The following PPP1R21 variants were observed in gnomAD, a reference collection of about 807,000 sequenced individuals.
PPP1R21 encodes the protein protein phosphatase 1 regulatory subunit 21, also known as KLRAQ motif containing 1.
PPP1R21 carries 85 observed loss-of-function variants against 112.8 expected under a neutral mutation model. The ratio of observed to expected loss-of-function variants is 0.75; its 90% CI spans 0.63 to 0.90. The LOEUF is 0.90. Among genes scored for constraint, PPP1R21 ranks in the 40% least tolerant of loss-of-function variants. PPP1R21 has a pLI of 0.00. For synonymous variants in PPP1R21, 381 were observed against 322.3 expected, an observed-to-expected ratio of 1.18 and a Z score of -1.95; for missense variants, 1,199 against 901.5, an observed-to-expected ratio of 1.33 and a Z score of -4.23.
At chr2:48,514,595 C>T (rs1450958461) in intron 21 of PPP1R21, 120 bp from the exon 22 acceptor site, 1 of 742,948 alleles carries the variant, frequency 1.3e-6, no homozygotes, top group African/African-American at 1.8e-5. Flanking sequence ...CAGCTATTCT[C>T]CTTTTTGGAA....
Position 48,515,240 on chromosome 2 carries a change from C to CTCTCTCTCTCTCTCTCTTCTT in PPP1R21, c.*503_*504insCTCTCTCTCTTCTTTCTCTCT, listed in dbSNP as rs1670824789. ...TTTCTCTCTCTCTCTCTCTCTCTCT[C>CTCTCTCTCTCTCTCTCTTCTT]TCTCTCTTCTTTCTCTCTGAGGGAG... On this transcript the variant is annotated 3_prime_UTR_variant, in exon 22 of 22. Transcript: ENST00000294952. 6.5e-6 allele frequency: 1 copy of CTCTCTCTCTCTCTCTCTTCTT among 153,500 alleles called. No homozygotes were observed. Among genetic ancestry groups the CTCTCTCTCTCTCTCTCTTCTT allele is most frequent in the Non-Finnish European group, 1.4e-5 (1 of 69,162 alleles). The allele number at this position is 153,500 out of a possible 1,614,324, so 9.5% of individuals were successfully genotyped here.
chr2:48,466,055 G>A (rs774785470), intron 9 of PPP1R21, among the ~76,000 whole-genome samples: 9 of 152,116 alleles, frequency 5.9e-5, no homozygotes, highest in African/African-American at 1.7e-4. Flanking sequence ...ATCAGATCTC[G>A]TGAGACCCAT....
intron 3 of PPP1R21, 133 bp from the exon 4 acceptor site, chr2:48,457,993 C>G (rs1172622116): frequency 4.4e-6 from 3 of 674,206 alleles, no homozygotes; most frequent in Admixed American, 2.0e-5. Flanking sequence ...AACTGTATAG[C>G]TTTTGCAGGA....
chr2:48,455,613 A>G (rs1558429350), intron 3 of PPP1R21, among the ~76,000 whole-genome samples: 2 of 152,228 alleles, frequency 1.3e-5, no homozygotes, highest in South Asian at 2.1e-4. Context: ...AGACAGTGGA[A>G]TATCTTATAT....
intron 12 of PPP1R21, 112 bp downstream of exon 12, chr2:48,474,931 A>T: frequency 2.2e-6 from 2 of 920,092 alleles, no homozygotes; most frequent in Non-Finnish European, 3.3e-6. Context: ...ATCTGGCATC[A>T]GGAAAACTTG....
rs375249666 is a variant in PPP1R21 at position 48,493,308 on chromosome 2, C to T, written c.1599+2138C>T. 6.1e-4 allele frequency among the ~76,000 whole-genome samples: 93 copies of T among 152,134 alleles called. No homozygotes were observed. In the South Asian group the frequency reaches 6.9e-3, roughly 11 times the overall value. ...GCGTGAGCCACTGCGCCCGGCCTTA[C>T]CTATTTTTAAATAAATGTTTCTAAT... On this transcript the variant is annotated intron_variant, in intron 15 of 21. Coordinates refer to ENST00000294952, the MANE Select transcript of PPP1R21 (RefSeq NM_001135629.3).
At chr2:48,486,000 A>G (rs1461787199) in intron 13 of PPP1R21, among the ~76,000 whole-genome samples, 1 of 148,360 alleles carries the variant, frequency 6.7e-6, no homozygotes, top group Non-Finnish European at 1.5e-5. Context: ...AATTATATAT[A>G]ATATAATTAA....
intron 9 of PPP1R21, 25 bp downstream of exon 9, chr2:48,465,667 T>G: frequency 6.2e-7 from 1 of 1,604,974 alleles, no homozygotes; most frequent in Non-Finnish European, 8.5e-7. Context: ...GGATACATTT[T>G]GTTTGCCCTG....
intron 17 of PPP1R21, 77 bp downstream of exon 17, chr2:48,498,812 A>T: frequency 7.0e-7 from 1 of 1,432,616 alleles, no homozygotes; most frequent in South Asian, 1.2e-5. Context: ...AACATTAACC[A>T]TTGTCTTAGT....
At position 48,507,332 on chromosome 2, in the gene PPP1R21, C is replaced by T. The variant is rs772827384; in HGVS notation, c.2032C>T (p.Leu678Phe). 8 of 1,595,650 alleles carry T rather than the reference C, an allele frequency of 5.0e-6. No individual in the cohort carries two copies. The highest frequency in any genetic ancestry group is 1.4e-5 in the African/African-American group (1 of 73,542). ...TCACTACATGGCAAGGATAGTGGAA[C>T]TTACGTCTCAGTTGCAGCTGGCTGA... ...KNHYMARIVE[L>F]TSQLQLADSK... Residue 678 changes from leucine (L) to phenylalanine (F), a missense_variant, in exon 19 of 22, where the codon CTT becomes TTT. Leu to Phe is a conservative substitution (Grantham distance 22, BLOSUM62 0). Transcript: ENST00000294952.
chr2:48,464,830 C>G (rs1423347236), intron 7 of PPP1R21, 107 bp from the exon 8 acceptor site: 6 of 722,122 alleles, frequency 8.3e-6, no homozygotes, highest in Non-Finnish European at 1.1e-5. Context: ...ATTTTAAATT[C>G]TTATGTAAAG....
Position 48,495,664 on chromosome 2 carries a change from A to T in PPP1R21, c.1600-15A>T, listed in dbSNP as rs542895059. 2.0e-6 allele frequency: 3 copies of T among 1,495,802 alleles called. No individual in the cohort carries two copies. The highest frequency in any genetic ancestry group is 1.7e-5 in the Admixed American group (1 of 59,264). 92.7% of individuals were successfully genotyped at this position (1,495,802 alleles called of 1,614,324 possible). A position where few individuals can be genotyped will look rare whatever the true frequency, so the allele number is the denominator to read the frequency against. ...CAATATTTTTTCTTTAATTCTTATG[A>T]TGCTTTTATCATAGCCCCTCTTGGA... On this transcript the variant is annotated splice_polypyrimidine_tract_variant and intron_variant, in intron 15 of 21. Coordinates refer to ENST00000294952, the MANE Select transcript of PPP1R21 (RefSeq NM_001135629.3).
intron 7 of PPP1R21, among the ~76,000 whole-genome samples, chr2:48,463,295 C>G (rs1668057894): frequency 6.6e-6 from 1 of 152,096 alleles, no homozygotes; most frequent in Non-Finnish European, 1.5e-5. Flanking sequence ...GAGGTAGAAG[C>G]TGGAGAAGGG....
At chr2:48,499,292 C>T (rs1254627820) in intron 17 of PPP1R21, among the ~76,000 whole-genome samples, 1 of 152,152 alleles carries the variant, frequency 6.6e-6, no homozygotes, top group Non-Finnish European at 1.5e-5. Context: ...ATGAGACTTC[C>T]TCATGGTGAG....
chr2:48,483,991 T>C lies in PPP1R21; in HGVS notation c.1319-2640T>C, dbSNP rs146281006. The stretch of plus-strand genomic sequence containing the variant: ...GCATGAACTACCGTGCCCAGCCTAA[T>C]GTATTACTCTTTATATAGGAATACC... On this transcript the variant is annotated intron_variant, in intron 13 of 21. Coordinates refer to ENST00000294952, the MANE Select transcript of PPP1R21 (RefSeq NM_001135629.3). Among the ~76,000 whole-genome samples the C allele has an allele frequency of 3.9e-5, 6 of 152,262 alleles. No individual in the cohort carries two copies. The East Asian group carries it at 1.2e-3, about 29-fold the overall frequency.
intron 2 of PPP1R21, 22 bp from the exon 3 acceptor site, chr2:48,454,573 A>G (rs773407152): frequency 1.5e-5 from 25 of 1,613,786 alleles, no homozygotes; most frequent in African/African-American, 2.7e-5. Context: ...GTGAGGACCA[A>G]TCTGTTTTCA....
At chr2:48,442,497 G>A (rs928650501) in intron 1 of PPP1R21, among the ~76,000 whole-genome samples, 1 of 152,206 alleles carries the variant, frequency 6.6e-6, no homozygotes, top group Non-Finnish European at 1.5e-5. Flanking sequence ...ATGTAAGCTT[G>A]TTTAGCAGAC....
chr2:48,492,345 TTTC>T (rs578261895), intron 15 of PPP1R21, among the ~76,000 whole-genome samples: 127 of 152,306 alleles, frequency 8.3e-4, no homozygotes, highest in Non-Finnish European at 1.3e-3. Flanking sequence ...CCTTTTCTCT[TTTC>T]TTGTCCTTTT....
At chr2:48,505,678 T>G (rs1670342531) in intron 18 of PPP1R21, 82 bp downstream of exon 18, 12 of 1,177,500 alleles carry the variant, frequency 1.0e-5, no homozygotes, top group Non-Finnish European at 1.4e-5. Flanking sequence ...AAAGCCATCT[T>G]TGTCTAATTG....
Sources: allele counts gnomAD v4.1 joint callset (sites outside exome capture counted in the v4.1 genomes callset), GRCh38; gene constraint gnomAD v4.1.1; transcripts MANE v1.5; gene names NCBI Gene and HGNC (gene_info 2026-07-23, HGNC 2026-07-21).